The following RNGTT variants were observed in gnomAD, a reference collection of about 807,000 sequenced individuals.
RNGTT encodes the protein mRNA-capping enzyme.
In RNGTT, 33 loss-of-function variants were observed where a neutral mutation model predicts 79.3. The observed-to-expected ratio is 0.42, with a 90% confidence interval of 0.32 to 0.56. RNGTT has a LOEUF of 0.56. Ranked by LOEUF, RNGTT falls within the 20% of genes least tolerant of loss-of-function variation. RNGTT has a pLI of 0.17. For missense variants in RNGTT, 497 were observed against 739.1 expected, an observed-to-expected ratio of 0.67 and a Z score of 3.80; for synonymous variants, 222 against 235.9, an observed-to-expected ratio of 0.94 and a Z score of 0.54.
chr6:88,881,258 C>A (rs1218084690), intron 8 of RNGTT, among the ~76,000 whole-genome samples: 1 of 152,154 alleles, frequency 6.6e-6, no homozygotes, highest in African/African-American at 2.4e-5. Context: ...TCAAGTGTAA[C>A]TGCAAGTCTT....
intron 11 of RNGTT, among the ~76,000 whole-genome samples, chr6:88,839,580 A>G: frequency 6.6e-6 from 1 of 152,072 alleles, no homozygotes; most frequent in East Asian, 1.9e-4. Context: ...GAAAAAAAGA[A>G]AAAAAAATCA....
intron 2 of RNGTT, among the ~76,000 whole-genome samples, chr6:88,932,835 C>T (rs1360301026): frequency 6.6e-6 from 1 of 152,092 alleles, no homozygotes; most frequent in Non-Finnish European, 1.5e-5. Flanking sequence ...AAACGCACAC[C>T]TAAACTGAGG....
intron 14 of RNGTT, among the ~76,000 whole-genome samples, chr6:88,654,206 C>T (rs1366505268): frequency 1.3e-5 from 2 of 152,136 alleles, no homozygotes; most frequent in African/African-American, 2.4e-5. Flanking sequence ...CTTTAACCTT[C>T]GTTTACTTTT....
chr6:88,738,510 T>C (rs1031547956), intron 13 of RNGTT, among the ~76,000 whole-genome samples: 1 of 152,106 alleles, frequency 6.6e-6, no homozygotes, highest in Non-Finnish European at 1.5e-5. Flanking sequence ...CTGGGCATGG[T>C]GGCACATGCC....
chr6:88,684,431 A>G (rs748274422), intron 13 of RNGTT, among the ~76,000 whole-genome samples: 11 of 152,336 alleles, frequency 7.2e-5, no homozygotes, highest in Admixed American at 5.2e-4. Flanking sequence ...AAACCTGCAC[A>G]TGGGTGTTTA....
intron 11 of RNGTT, among the ~76,000 whole-genome samples, chr6:88,821,099 GAACA>G (rs1343650659): frequency 6.6e-6 from 1 of 151,986 alleles, no homozygotes; most frequent in African/African-American, 2.4e-5. Context: ...ATCGGCAAAA[GAACA>G]GACAAATGGA....
chr6:88,771,029 A>G (rs2127843035), intron 12 of RNGTT, among the ~76,000 whole-genome samples: 1 of 152,184 alleles, frequency 6.6e-6, no homozygotes, highest in Non-Finnish European at 1.5e-5. Flanking sequence ...TATGTATTAC[A>G]AATATTTTCT....
intron 11 of RNGTT, among the ~76,000 whole-genome samples, chr6:88,834,590 T>G (rs575585935): frequency 6.6e-6 from 1 of 152,200 alleles, no homozygotes; most frequent in Non-Finnish European, 1.5e-5. Context: ...TAGATCTTCA[T>G]GTTTATGCAA....
intron 11 of RNGTT, among the ~76,000 whole-genome samples, chr6:88,835,080 C>T (rs1781019385): frequency 6.6e-6 from 1 of 151,930 alleles, no homozygotes; most frequent in African/African-American, 2.4e-5. Context: ...CAGCAATAAG[C>T]AAATTATTTA....
chr6:88,808,192 TA>T (rs1780022219), intron 11 of RNGTT, among the ~76,000 whole-genome samples: 1 of 152,210 alleles, frequency 6.6e-6, no homozygotes, highest in African/African-American at 2.4e-5. Flanking sequence ...TCTTACAATA[TA>T]ATTGACTAAT....
intron 1 of RNGTT, among the ~76,000 whole-genome samples, chr6:88,949,258 CTTTT>C (rs1237749319): frequency 3.8e-5 from 4 of 106,278 alleles, no homozygotes; most frequent in African/African-American, 3.9e-5. Flanking sequence ...AATAATCAGT[CTTTT>C]TTTTTTTTTT....
At chr6:88,852,571 T>A (rs1008701783) in intron 9 of RNGTT, among the ~76,000 whole-genome samples, 3 of 152,068 alleles carry the variant, frequency 2.0e-5, no homozygotes, top group African/African-American at 7.2e-5. Context: ...CATATGTATA[T>A]ATATATCATT....
At chr6:88,811,471 T>C (rs1376823089) in intron 11 of RNGTT, among the ~76,000 whole-genome samples, 2 of 151,842 alleles carry the variant, frequency 1.3e-5, no homozygotes, top group East Asian at 1.9e-4. Context: ...TGATGTTTTA[T>C]GTCTATGAAT....
At chr6:88,691,324 A>G (rs79698056) in intron 13 of RNGTT, among the ~76,000 whole-genome samples, 85 of 152,052 alleles carry the variant, frequency 5.6e-4, no homozygotes, top group Non-Finnish European at 1.0e-3. Flanking sequence ...CTCCTTAGGC[A>G]TGCTTCCTGT....
intron 14 of RNGTT, among the ~76,000 whole-genome samples, chr6:88,648,474 A>T (rs963322324): frequency 1.4e-5 from 2 of 145,160 alleles, no homozygotes; most frequent in East Asian, 2.0e-4. Context: ...AAAGTATTAT[A>T]ATAATAATAA....
intron 13 of RNGTT, among the ~76,000 whole-genome samples, chr6:88,736,096 C>G (rs569430242): frequency 1.3e-5 from 2 of 152,034 alleles, no homozygotes; most frequent in Non-Finnish European, 2.9e-5. Context: ...TGGATCAATT[C>G]TTTGAAAGGC....
chr6:88,737,063 A>C (rs1269922139), intron 13 of RNGTT, among the ~76,000 whole-genome samples: 1 of 152,232 alleles, frequency 6.6e-6, no homozygotes, highest in Admixed American at 6.5e-5. Context: ...TGAAAGGCAC[A>C]GCATGAAATC....
intron 4 of RNGTT, among the ~76,000 whole-genome samples, chr6:88,922,992 C>T (rs1408468499): frequency 6.6e-6 from 1 of 152,176 alleles, no homozygotes; most frequent in Non-Finnish European, 1.5e-5. Context: ...AGCTTGTTCT[C>T]TTATCTCCCA....
chr6:88,807,855 C>T (rs1165442142), intron 11 of RNGTT, among the ~76,000 whole-genome samples: 1 of 152,076 alleles, frequency 6.6e-6, no homozygotes, highest in East Asian at 1.9e-4. Context: ...TGACAGCAGA[C>T]TCCTTATCTG....
Sources: allele counts gnomAD v4.1 joint callset (sites outside exome capture counted in the v4.1 genomes callset), GRCh38; gene constraint gnomAD v4.1.1; transcripts MANE v1.5; gene names NCBI Gene and HGNC (gene_info 2026-07-23, HGNC 2026-07-21).